ABCA4: variants seen among roughly 807,000 people sequenced by gnomAD.
The protein encoded by ABCA4 is retinal-specific phospholipid-transporting ATPase ABCA4.
A neutral mutation model predicts 263.7 loss-of-function variants in ABCA4; 196 were observed. The ratio of observed to expected loss-of-function variants is 0.74; its 90% CI spans 0.66 to 0.84. ABCA4 has a LOEUF of 0.84. Among genes scored for constraint, ABCA4 ranks in the 40% least tolerant of loss-of-function variants. ABCA4 has a pLI of 0.00. For synonymous variants in ABCA4, 1,133 were observed against 1,094.2 expected (o/e 1.04, Z -0.70); for missense variants, 2,792 against 2,855.1 (o/e 0.98, Z 0.50).
intron 1 of ABCA4, among the ~76,000 whole-genome samples, chr1:94,115,628 C>T (rs545775282): frequency 2.6e-5 from 4 of 152,188 alleles, no homozygotes; most frequent in Non-Finnish European, 5.9e-5. Flanking sequence ...GATACCAGGA[C>T]CTACCTCCCA....
chr1:94,107,139 C>T (rs954284541), intron 4 of ABCA4, among the ~76,000 whole-genome samples: 7 of 152,192 alleles, frequency 4.6e-5, no homozygotes, highest in Admixed American at 2.0e-4. Flanking sequence ...CAGCCTCTCC[C>T]ATTCCCCTGG....
intron 24 of ABCA4, among the ~76,000 whole-genome samples, chr1:94,039,414 G>A (rs1333041392): frequency 2.0e-5 from 3 of 152,344 alleles, no homozygotes; most frequent in East Asian, 1.9e-4. Flanking sequence ...GCATCAGTAC[G>A]TAAGTTTAGT....
intron 35 of ABCA4, among the ~76,000 whole-genome samples, chr1:94,020,011 T>C (rs1346253975): frequency 2.6e-5 from 4 of 152,224 alleles, no homozygotes; most frequent in African/African-American, 9.6e-5. Flanking sequence ...TTTATTATAT[T>C]CTCTAATTAT....
Position 94,073,073 on chromosome 1 carries a change from G to A in ABCA4, c.1554+4617C>T, listed in dbSNP as rs185090740. 2.2e-3 allele frequency among the ~76,000 whole-genome samples: 330 copies of A among 152,256 alleles called. 1 individual carries two copies. The highest frequency in any genetic ancestry group is 7.3e-3 in the African/African-American group (303 of 41,564). The stretch of plus-strand genomic sequence containing the variant: ...TTGCTTTCAGAGCCATCAGCAAAGA[G>A]TTTTCATGGCCTCTCTGCTACTAAG... On this transcript the variant is annotated intron_variant, in intron 11 of 49. Coordinates refer to ENST00000370225, the MANE Select transcript of ABCA4 (RefSeq NM_000350.3).
At chr1:94,013,291 G>A (rs17391612) in intron 38 of ABCA4, among the ~76,000 whole-genome samples, 18,360 of 152,102 alleles carry the variant, frequency 0.12, 1,130 homozygotes, top group Middle Eastern at 0.14. Flanking sequence ...ATGAGGCTTC[G>A]TTACTTGCCT....
intron 11 of ABCA4, among the ~76,000 whole-genome samples, chr1:94,064,000 T>C (rs1414967844): frequency 1.3e-5 from 2 of 152,204 alleles, no homozygotes; most frequent in Non-Finnish European, 2.9e-5. Context: ...TTGAATATGA[T>C]GGTTGTCCTC....
intron 35 of ABCA4, 78 bp downstream of exon 35, chr1:94,021,162 G>A: frequency 6.3e-7 from 1 of 1,595,096 alleles, no homozygotes; most frequent in East Asian, 2.2e-5. Flanking sequence ...ACTTCGCGGT[G>A]GTGAGAATCC....
intron 27 of ABCA4, 29 bp downstream of exon 27, chr1:94,031,749 C>T (rs1319372941): frequency 1.2e-6 from 2 of 1,612,516 alleles, no homozygotes; most frequent in Admixed American, 3.3e-5. Flanking sequence ...AGCCACTGAG[C>T]TCAGCTAAAC....
At chr1:94,009,669 T>C (rs1659493393) in intron 40 of ABCA4, among the ~76,000 whole-genome samples, 1 of 152,186 alleles carries the variant, frequency 6.6e-6, no homozygotes, top group Non-Finnish European at 1.5e-5. Flanking sequence ...TTTGAAACCC[T>C]CCCTGACCTT....
At chr1:94,092,753 T>C (rs1662002317) in intron 6 of ABCA4, among the ~76,000 whole-genome samples, 1 of 152,094 alleles carries the variant, frequency 6.6e-6, no homozygotes, top group African/African-American at 2.4e-5. Context: ...AAAACTGAGC[T>C]TGGAATCTAG....
At chr1:94,018,649 G>A in intron 36 of ABCA4, 1 of 452,818 alleles carries the variant, frequency 2.2e-6, no homozygotes, top group South Asian at 1.6e-5. Flanking sequence ...ATCATCACAT[G>A]AAATGGAGGC....
chr1:94,085,528 A>T (rs1030474842), intron 6 of ABCA4, among the ~76,000 whole-genome samples: 3 of 152,174 alleles, frequency 2.0e-5, no homozygotes, highest in Admixed American at 2.0e-4. Flanking sequence ...TAGAAAAAGG[A>T]CTGGCCTTCT....
At chr1:94,098,123 T>C (rs929066681) in intron 6 of ABCA4, among the ~76,000 whole-genome samples, 6 of 152,218 alleles carry the variant, frequency 3.9e-5, no homozygotes, top group African/African-American at 1.4e-4. Context: ...ATCTAATTCC[T>C]TCTCATCTTA....
At chr1:94,063,997 T>C (rs917290286) in intron 11 of ABCA4, among the ~76,000 whole-genome samples, 2 of 152,202 alleles carry the variant, frequency 1.3e-5, no homozygotes, top group Non-Finnish European at 2.9e-5. Flanking sequence ...AATTTGAATA[T>C]GATGGTTGTC....
intron 36 of ABCA4, among the ~76,000 whole-genome samples, chr1:94,016,938 T>C (rs566562614): frequency 6.6e-6 from 1 of 152,198 alleles, no homozygotes; most frequent in Admixed American, 6.5e-5. Flanking sequence ...TGCTGTGCCA[T>C]TGAGCATGGA....
chr1:94,018,753 A>G (rs1659811416), intron 36 of ABCA4, among the ~76,000 whole-genome samples: 1 of 152,166 alleles, frequency 6.6e-6, no homozygotes, highest in South Asian at 2.1e-4. Context: ...CATTATAACT[A>G]GGCCTTTACT....
At chr1:94,040,687 T>G (rs998464330) in intron 23 of ABCA4, among the ~76,000 whole-genome samples, 2 of 152,196 alleles carry the variant, frequency 1.3e-5, no homozygotes, top group East Asian at 3.8e-4. Context: ...TTAAATAATT[T>G]GCCTAGGATG....
chr1:94,030,048 C>T (rs950818647), intron 29 of ABCA4, among the ~76,000 whole-genome samples: 4 of 152,204 alleles, frequency 2.6e-5, no homozygotes, highest in Non-Finnish European at 5.9e-5. Context: ...TCTCCAGACT[C>T]ACAACTATCA....
At position 94,011,309 on chromosome 1, in the gene ABCA4, A is replaced by G. The variant is rs61750575; in HGVS notation, c.5537T>C (p.Ile1846Thr). 1.2e-5 allele frequency: 20 copies of G among 1,613,982 alleles called. No homozygotes were observed. Among genetic ancestry groups the G allele is most frequent in the East Asian group, 2.2e-5 (1 of 44,854 alleles). The change falls in exon 39 of 50, where the codon ATT becomes ACT. Residue 1846 changes from isoleucine (I) to threonine (T), a missense_variant. Coordinates refer to ENST00000370225, the MANE Select transcript of ABCA4 (RefSeq NM_000350.3). ...CACAGCCTGGCTCAGTGCAAGGTCA[A>G]TGAGGCCCCGGCCCAGGCAGAAGTG... ...FPHFCLGRGL[I>T]DLALSQAVTD...
Sources: gnomAD v4.1 joint callset for allele counts (sites outside exome capture counted in the v4.1 genomes callset) on GRCh38, gnomAD v4.1.1 for gene constraint, MANE v1.5 for transcripts, NCBI Gene and HGNC (gene_info 2026-07-23, HGNC 2026-07-21) for gene names.